XXYLT1: variants seen among roughly 807,000 people sequenced by gnomAD.
XXYLT1 encodes xyloside xylosyltransferase 1, also known as UDP-xylose:alpha-xyloside alpha-1,3-xylosyltransferase.
In XXYLT1, 20 loss-of-function variants were observed where a neutral mutation model predicts 28.9. The ratio of observed to expected loss-of-function variants is 0.69; its 90% confidence interval spans 0.49 to 1.00. The LOEUF is 1.00. Among genes scored for constraint, XXYLT1 ranks in the 50% least tolerant of loss-of-function variants. XXYLT1 has a pLI of 0.00. For missense variants in XXYLT1, 542 were observed against 560.1 expected (o/e 0.97, Z 0.33); for synonymous variants, 257 against 253.8 (o/e 1.01, Z -0.12).
At chr3:195,248,051 T>G in intron 1 of XXYLT1, 1 of 521,356 alleles carries the variant, frequency 1.9e-6, no homozygotes, top group East Asian at 3.3e-5. Flanking sequence ...TCAGCCACTT[T>G]CCAAGGCTGC....
At chr3:195,074,169 A>G (rs1410718038) in intron 3 of XXYLT1, among the ~76,000 whole-genome samples, 3 of 152,148 alleles carry the variant, frequency 2.0e-5, no homozygotes, top group Non-Finnish European at 4.4e-5. Flanking sequence ...AGGATGGGAA[A>G]ATGCTGAGCC....
rs139870508 is a variant in XXYLT1, at chr3:195,155,948, A to T, written c.785+501T>A. 3.5e-3 allele frequency among the ~76,000 whole-genome samples: 539 copies of T among 152,334 alleles called. 1 individual carries two copies. Among genetic ancestry groups the T allele is most frequent in the Non-Finnish European group, 5.2e-3 (353 of 68,030 alleles). On this transcript the variant is annotated intron_variant, in intron 3 of 3. Transcript: ENST00000310380. ...CAGTCCTGGAGTTTCTCCATGACACAGGCTTGACAATCAAATGCAGCATCA... is the reference window on the plus strand; with the variant it reads ...CAGTCCTGGAGTTTCTCCATGACACTGGCTTGACAATCAAATGCAGCATCA...
rs1029047135 is a variant in XXYLT1, at chr3:195,255,057, C to T, written c.504+15498G>A. 3.3e-5 allele frequency among the ~76,000 whole-genome samples: 5 copies of T among 152,122 alleles called. No individual in the cohort carries two copies. The highest frequency in any genetic ancestry group is 1.2e-4 in the African/African-American group (5 of 41,426). On this transcript the variant is annotated intron_variant, in intron 1 of 3. Coordinates refer to ENST00000310380, the MANE Select transcript of XXYLT1 (RefSeq NM_152531.5). The surrounding 1 kb of genome is among the most constrained non-coding windows in gnomAD (Gnocchi z 4.5). ...AGACTCGGACCCTGTCCCCAACTGCCCCAGGCTGGGAAATTCACCAGCACT... is the reference window on the plus strand; with the variant it reads ...AGACTCGGACCCTGTCCCCAACTGCTCCAGGCTGGGAAATTCACCAGCACT...
At chr3:195,161,520 A>G (rs1430487243) in intron 2 of XXYLT1, among the ~76,000 whole-genome samples, 1 of 151,898 alleles carries the variant, frequency 6.6e-6, no homozygotes, top group Non-Finnish European at 1.5e-5. Context: ...CATGAAGACT[A>G]TTGGGATTCT....
intron 3 of XXYLT1, among the ~76,000 whole-genome samples, chr3:195,088,102 TG>T (rs954778699): frequency 3.3e-5 from 5 of 151,660 alleles, no homozygotes; most frequent in Admixed American, 2.6e-4. Flanking sequence ...GCAGCGAGGC[TG>T]GGGGAGGGGC....
rs1720344530 is a variant in XXYLT1, at chr3:195,152,707, G to A, written c.785+3742C>T. The A allele has an allele frequency of 3.9e-5, 6 of 152,176 alleles. No homozygotes were observed. The South Asian group carries it at 8.3e-4, about 21-fold the overall frequency. The allele number at this position is 152,176 out of a possible 1,614,324, so 9.4% of individuals were successfully genotyped here. A position where few individuals can be genotyped will look rare whatever the true frequency, so the allele number is the denominator to read the frequency against. On this transcript the variant is annotated intron_variant, in intron 3 of 3. Transcript: ENST00000310380. ...AACACTCATGGCACACAATACAGAG[G>A]AGACTGCCATAAAAATGACTTAAAA...
rs201775982 is a variant in XXYLT1 at position 195,191,265 on chromosome 3, C to A, written c.653-34684G>T. Among the ~76,000 whole-genome samples the A allele has an allele frequency of 1.1e-4, 16 of 152,250 alleles. No individual in the cohort carries two copies. In the East Asian group the frequency reaches 2.1e-3, roughly 20 times the overall value. ...CTTCCACCTCCTCCACCTCTGCCAC[C>A]CCTCAGAAAGAAGACCAATCCCTCC... On this transcript the variant is annotated intron_variant, in intron 2 of 3. Transcript: ENST00000310380.
chr3:195,122,127 CTCA>C (rs1718390164), intron 3 of XXYLT1: 2 of 703,048 alleles, frequency 2.8e-6, no homozygotes, highest in Non-Finnish European at 5.2e-6. Context: ...CCCCAGTCTC[CTCA>C]TATGGTGAAG....
chr3:195,103,677 A>C (rs1421694968), intron 3 of XXYLT1, among the ~76,000 whole-genome samples: 2 of 152,236 alleles, frequency 1.3e-5, no homozygotes, highest in Admixed American at 1.3e-4. Flanking sequence ...TGAGACCTTT[A>C]GAATCCATCA....
rs1222383919 is a variant in XXYLT1, at chr3:195,270,693, C to T, written c.366G>A (p.Leu122=). Residue 122 remains leucine, a synonymous_variant, in exon 1 of 4, where the codon CTG becomes CTA. Coordinates refer to ENST00000310380, the MANE Select transcript of XXYLT1 (RefSeq NM_152531.5). ...AALQAKARVA[L]RSLLRLAKFE... ...ACTTGGCGAGGCGCAGCAGTGAGCG[C>T]AGCGCGACGCGGGCCTTGGCCTGCA... 2.5e-6 allele frequency: 4 copies of T among 1,588,666 alleles called. No individual in the cohort carries two copies. In the African/African-American group the frequency reaches 4.1e-5, roughly 16 times the overall value.
intron 3 of XXYLT1, among the ~76,000 whole-genome samples, chr3:195,131,744 C>A (rs77818844): frequency 1.3e-5 from 2 of 152,188 alleles, no homozygotes; most frequent in Admixed American, 6.5e-5. Flanking sequence ...TTACCAGTGA[C>A]CCCACCATAT....
At chr3:195,232,726 T>C (rs1316399275) in intron 1 of XXYLT1, among the ~76,000 whole-genome samples, 1 of 152,232 alleles carries the variant, frequency 6.6e-6, no homozygotes, top group African/African-American at 2.4e-5. Flanking sequence ...TTTTATTCCA[T>C]TGTAGTCAGA....
chr3:195,259,473 C>T (rs1725601973), intron 1 of XXYLT1: 1 of 616,046 alleles, frequency 1.6e-6, no homozygotes, highest in South Asian at 7.2e-5. Context: ...GATGGGAAGG[C>T]TGTGAGGAAG....
intron 3 of XXYLT1, among the ~76,000 whole-genome samples, chr3:195,096,709 G>C (rs1424327013): frequency 6.6e-6 from 1 of 152,176 alleles, no homozygotes. Flanking sequence ...TAACAAGCAA[G>C]GCTGAGCTTT....
chr3:195,194,653 C>CA (rs1312848226), intron 2 of XXYLT1, among the ~76,000 whole-genome samples: 1 of 152,112 alleles, frequency 6.6e-6, no homozygotes, highest in East Asian at 1.9e-4. Flanking sequence ...GAAACCGGTC[C>CA]AAACGTCCAT....
chr3:195,248,292 A>G (rs1577195793), intron 1 of XXYLT1, among the ~76,000 whole-genome samples: 1 of 152,148 alleles, frequency 6.6e-6, no homozygotes, highest in Non-Finnish European at 1.5e-5. Context: ...AGGAGTTGAC[A>G]TGGTTTGGCT....
rs1348478838 is a variant in XXYLT1 at position 195,089,489 on chromosome 3, C to G, written c.786-19378G>C. ...ACAAACAAATGCTGAGAGATTTTGT[C>G]ACCACCAGGCCTGCCCTAAAAGAGC... On this transcript the variant is annotated intron_variant, in intron 3 of 3. Coordinates refer to ENST00000310380, the MANE Select transcript of XXYLT1 (RefSeq NM_152531.5). 2.0e-5 allele frequency among the ~76,000 whole-genome samples: 3 copies of G among 152,048 alleles called. No homozygotes were observed. In the South Asian group the frequency reaches 6.3e-4, roughly 32 times the overall value.
chr3:195,114,744 T>G (rs1717954768), intron 3 of XXYLT1, among the ~76,000 whole-genome samples: 1 of 152,190 alleles, frequency 6.6e-6, no homozygotes, highest in Non-Finnish European at 1.5e-5. Context: ...GTCAAGCTTG[T>G]GACAAGCTTT....
intron 3 of XXYLT1, among the ~76,000 whole-genome samples, chr3:195,101,002 C>A (rs1716744915): frequency 6.6e-6 from 1 of 152,274 alleles, no homozygotes; most frequent in South Asian, 2.1e-4. Flanking sequence ...TTTTCCAAGA[C>A]AGCTATAGGT....
Sources: allele counts gnomAD v4.1 joint callset (sites outside exome capture counted in the v4.1 genomes callset), GRCh38; gene constraint gnomAD v4.1.1; non-coding constraint Gnocchi (gnomAD v3.1); transcripts MANE v1.5; gene names NCBI Gene and HGNC (gene_info 2026-07-23, HGNC 2026-07-21).